Variants in TOP1 observed in about 807,000 individuals in gnomAD.
TOP1 encodes the protein DNA topoisomerase 1.
A neutral mutation model predicts 111.1 loss-of-function variants in TOP1; 10 were observed. That is an observed-to-expected ratio of 0.09 (90% confidence interval 0.06 to 0.15). The LOEUF (loss-of-function observed/expected upper bound fraction) is 0.15, where lower values mean the gene tolerates loss of function less well. TOP1 is among the 10% of genes least tolerant of loss of function. TOP1 has a pLI of 1.00. For synonymous variants in TOP1, 271 were observed against 302.9 expected, an observed-to-expected ratio of 0.89 and a Z score of 1.10; for missense variants, 474 against 926.7, an observed-to-expected ratio of 0.51 and a Z score of 6.34.
At position 41,106,754 on chromosome 20, in the gene TOP1, C is replaced by A. The variant is rs1029039405; in HGVS notation, c.1308+5401C>A. 6.6e-6 allele frequency among the ~76,000 whole-genome samples: 1 copy of A among 152,058 alleles called. No individual in the cohort carries two copies. Among genetic ancestry groups the A allele is most frequent in the African/African-American group, 2.4e-5 (1 of 41,392 alleles). On this transcript the variant is annotated intron_variant, in intron 13 of 20. Transcript: ENST00000361337. This position sits in a 1 kb window ranked among gnomAD's most constrained non-coding sequence, Gnocchi z 4.3. ...TTGGTCTTGTATCTGGCAGCAGATA[C>A]AAGAGGTGCTCAGAGTTGTTCAGGG...
intron 2 of TOP1, among the ~76,000 whole-genome samples, chr20:41,031,780 CTA>C: frequency 6.6e-6 from 1 of 151,918 alleles, no homozygotes; most frequent in Non-Finnish European, 1.5e-5. Flanking sequence ...TAGAGTGATA[CTA>C]TATGATACTA....
chr20:41,060,330 C>CA (rs750572815), intron 2 of TOP1, among the ~76,000 whole-genome samples: 36 of 152,142 alleles, frequency 2.4e-4, no homozygotes, highest in Admixed American at 3.3e-4. Context: ...AAAATGGAAC[C>CA]AACAACTGAT....
Position 41,095,362 on chromosome 20 carries a change from G to T in TOP1, c.731-1858G>T, listed in dbSNP as rs369866233. ...TGCTCAGCCACATTTTTTTTTAAAT[G>T]GTGTTAACAGTTTACATTTTTTTCT... On this transcript the variant is annotated intron_variant, in intron 9 of 20. Coordinates refer to ENST00000361337, the MANE Select transcript of TOP1 (RefSeq NM_003286.4). The surrounding 1 kb of genome is among the most constrained non-coding windows in gnomAD (Gnocchi z 4.6). Among the ~76,000 whole-genome samples, 10 of 151,558 alleles carry T rather than the reference G, an allele frequency of 6.6e-5. No individual in the cohort carries two copies. In the East Asian group the frequency reaches 2.0e-3, roughly 31 times the overall value.
At position 41,123,065 on chromosome 20, in the gene TOP1, T is replaced by C. The variant is rs2034446332; in HGVS notation, c.2196-130T>C. On this transcript the variant is annotated intron_variant, in intron 20 of 20. Transcript: ENST00000361337. This position sits in a 1 kb window ranked among gnomAD's most constrained non-coding sequence, Gnocchi z 5.8. ...TCACATAAAACCTTTAGAACATGCT[T>C]GGTGCACTATTAATTTGCATCCTCA... 2 of 631,862 alleles carry C rather than the reference T, an allele frequency of 3.2e-6. No homozygotes were observed. The highest frequency in any genetic ancestry group is 5.6e-5 in the East Asian group (2 of 35,526). 39.1% of individuals were successfully genotyped at this position (631,862 alleles called of 1,614,324 possible).
At chr20:41,091,953 G>C (rs1183889877) in intron 8 of TOP1, among the ~76,000 whole-genome samples, 2 of 152,150 alleles carry the variant, frequency 1.3e-5, no homozygotes, top group African/African-American at 2.4e-5. Flanking sequence ...ATCAGTGTTT[G>C]CTAGATAGTT....
At chr20:41,060,296 C>T (rs987744931) in intron 2 of TOP1, among the ~76,000 whole-genome samples, 4 of 152,158 alleles carry the variant, frequency 2.6e-5, no homozygotes, top group Non-Finnish European at 5.9e-5. Context: ...AGTATATCCA[C>T]ACAATGTAAC....
intron 2 of TOP1, among the ~76,000 whole-genome samples, chr20:41,056,137 G>A (rs980045378): frequency 4.6e-5 from 7 of 152,100 alleles, no homozygotes; most frequent in Non-Finnish European, 8.8e-5. Flanking sequence ...TCCAGGCATC[G>A]CTTACATGGA....
At chr20:41,081,025 GT>G in intron 6 of TOP1, 139 bp from the exon 7 acceptor site, 1 of 629,944 alleles carries the variant, frequency 1.6e-6, no homozygotes, top group South Asian at 2.4e-5. Context: ...ATTTCTGTTA[GT>G]CTTGACCGTA....
intron 8 of TOP1, among the ~76,000 whole-genome samples, chr20:41,090,154 T>C (rs1353285968): frequency 6.6e-6 from 1 of 152,154 alleles, no homozygotes; most frequent in Non-Finnish European, 1.5e-5. Context: ...TTTGAATTTT[T>C]AATAGATACA....
chr20:41,029,664 G>A lies in TOP1; in HGVS notation c.58+209G>A, dbSNP rs1439063692. 1.5e-6 allele frequency: 1 copy of A among 652,832 alleles called. No homozygotes were observed. The highest frequency in any genetic ancestry group is 2.8e-6 in the Non-Finnish European group (1 of 358,626). The allele number at this position is 652,832 out of a possible 1,614,324, so 40.4% of individuals were successfully genotyped here. ...TCCAGATCCCGGCCCTCCCAAGAGGGGACAACGGAGACCCCGTGTCGTCCG... is the reference window on the plus strand; with the variant it reads ...TCCAGATCCCGGCCCTCCCAAGAGGAGACAACGGAGACCCCGTGTCGTCCG... On this transcript the variant is annotated intron_variant, in intron 2 of 20. Transcript: ENST00000361337. This position sits in a 1 kb window ranked among gnomAD's most constrained non-coding sequence, Gnocchi z 6.1.
At chr20:41,072,971 T>C in intron 3 of TOP1, 1 of 985,430 alleles carries the variant, frequency 1.0e-6, no homozygotes, top group Non-Finnish European at 1.2e-6. Context: ...TTGTGATTAA[T>C]TGTGACCTAC....
rs1453347968 is a variant in TOP1 at position 41,079,017 on chromosome 20, C to T, written c.336-1068C>T. Among the ~76,000 whole-genome samples, 1 of 152,116 alleles carries T rather than the reference C, an allele frequency of 6.6e-6. No individual in the cohort carries two copies. The highest frequency in any genetic ancestry group is 2.4e-5 in the African/African-American group (1 of 41,414). On this transcript the variant is annotated intron_variant, in intron 5 of 20. Coordinates refer to ENST00000361337, the MANE Select transcript of TOP1 (RefSeq NM_003286.4). The surrounding 1 kb of genome is among the most constrained non-coding windows in gnomAD (Gnocchi z 4.0). ...TGATAGGCTTTCTTTCCTTCTGGAC[C>T]CTAGGGTCTGTGTCAGTATTCAGGC...
intron 2 of TOP1, among the ~76,000 whole-genome samples, chr20:41,040,883 C>G (rs2033255782): frequency 6.6e-6 from 1 of 151,266 alleles, no homozygotes; most frequent in South Asian, 2.1e-4. Context: ...ATGAATGCCT[C>G]TTAGTCTTTA....
chr20:41,029,158 C>A lies in TOP1; in HGVS notation c.33+58C>A. On this transcript the variant is annotated intron_variant, in intron 1 of 20. Transcript: ENST00000361337. The surrounding 1 kb of genome is among the most constrained non-coding windows in gnomAD (Gnocchi z 6.1). ...CCCCGGCCTGGCCGTCCCGCGACCC[C>A]CGGCGCAGGCCCCGACCCCAGCCCC... is the stretch of plus-strand genomic sequence containing the variant. 1 of 1,324,848 alleles carries A rather than the reference C, an allele frequency of 7.5e-7. No individual in the cohort carries two copies. Among genetic ancestry groups the A allele is most frequent in the Admixed American group, 3.4e-5 (1 of 29,796 alleles). The allele number at this position is 1,324,848 out of a possible 1,614,324, so 82.1% of individuals were successfully genotyped here.
chr20:41,121,913 A>G lies in TOP1; in HGVS notation c.2046-93A>G. ...AATGTCTTTTGGAAATCTCTATACT[A>G]GGGCTTTTATTGACTCAAAGTGGCA... On this transcript the variant is annotated intron_variant, in intron 19 of 20. Transcript: ENST00000361337. The surrounding 1 kb of genome is among the most constrained non-coding windows in gnomAD (Gnocchi z 4.2). 6.4e-7 allele frequency: 1 copy of G among 1,564,482 alleles called. No individual in the cohort carries two copies. The highest frequency in any genetic ancestry group is 1.4e-5 in the African/African-American group (1 of 72,920).
At chr20:41,076,140 G>A (rs1172056889) in intron 3 of TOP1, 31 bp from the exon 4 acceptor site, 1 of 1,598,934 alleles carries the variant, frequency 6.3e-7, no homozygotes, top group African/African-American at 1.4e-5. Context: ...CCCTACTCTG[G>A]GCTAACGCTT....
rs772987132 is a variant in TOP1, at chr20:41,115,362, ATC to A, written c.1639-7_1639-6del. 1.9e-6 allele frequency: 3 copies of A among 1,597,822 alleles called. No homozygotes were observed. The highest frequency in any genetic ancestry group is 2.6e-6 in the Non-Finnish European group (3 of 1,166,032). On this transcript the variant is annotated splice_polypyrimidine_tract_variant and splice_region_variant and intron_variant, in intron 15 of 20. Coordinates refer to ENST00000361337, the MANE Select transcript of TOP1 (RefSeq NM_003286.4). The surrounding 1 kb of genome is among the most constrained non-coding windows in gnomAD (Gnocchi z 6.3). ...AGAGTAATAATTAGGATTCACTTAT[ATC>A]TTTTAGGTTTTTAAGAACCTACAAC...
chr20:41,091,281 T>C (rs1242122583), intron 8 of TOP1, among the ~76,000 whole-genome samples: 1 of 152,184 alleles, frequency 6.6e-6, no homozygotes, highest in Non-Finnish European at 1.5e-5. Context: ...TAAAAGAAAC[T>C]TGAGGCATAG....
chr20:41,078,590 GAGCTGCA>G lies in TOP1; in HGVS notation c.335+960_335+966del, dbSNP rs1325991775. Among the ~76,000 whole-genome samples, 3 of 152,190 alleles carry G rather than the reference GAGCTGCA, an allele frequency of 2.0e-5. No individual in the cohort carries two copies. Among genetic ancestry groups the G allele is most frequent in the Non-Finnish European group, 4.4e-5 (3 of 68,040 alleles). On this transcript the variant is annotated intron_variant, in intron 5 of 20. Transcript: ENST00000361337. The surrounding 1 kb of genome is among the most constrained non-coding windows in gnomAD (Gnocchi z 5.3). Reference sequence around the variant, plus strand: ...GAATAATACAATTCAGGAAGCATTAGAGCTGCAAGCTGCCCTAGGAATTTTGATTTCT... The same window carrying G: ...GAATAATACAATTCAGGAAGCATTAGAGCTGCCCTAGGAATTTTGATTTCT...
Sources: gnomAD v4.1 joint callset for allele counts (sites outside exome capture counted in the v4.1 genomes callset) on GRCh38, gnomAD v4.1.1 for gene constraint, Gnocchi (gnomAD v3.1) non-coding constraint, MANE v1.5 for transcripts, NCBI Gene and HGNC (gene_info 2026-07-23, HGNC 2026-07-21) for gene names.